Variants in SGCD observed in about 807,000 individuals in gnomAD.
SGCD encodes delta-sarcoglycan.
SGCD carries 18 observed loss-of-function variants against 36.6 expected under a neutral mutation model. The ratio of observed to expected loss-of-function variants is 0.49; its 90% CI spans 0.34 to 0.73. The LOEUF (loss-of-function observed/expected upper bound fraction) is 0.73, where lower values mean the gene tolerates loss of function less well. Ranked by LOEUF, SGCD falls within the 30% of genes least tolerant of loss-of-function variation. The pLI is 0.01. For synonymous variants in SGCD, 133 were observed against 130.6 expected, an observed-to-expected ratio of 1.02 and a Z score of -0.12; for missense variants, 387 against 346.7, an observed-to-expected ratio of 1.12 and a Z score of -0.92.
intron 1 of SGCD, among the ~76,000 whole-genome samples, chr5:155,878,814 A>G (rs1755818109): frequency 6.6e-6 from 1 of 152,192 alleles, no homozygotes; most frequent in African/African-American, 2.4e-5. Context: ...GAGTATATAT[A>G]AAATTGGACT....
intron 7 of SGCD, among the ~76,000 whole-genome samples, chr5:156,676,763 A>T (rs1028520745): frequency 6.6e-6 from 1 of 152,206 alleles, no homozygotes; most frequent in African/African-American, 2.4e-5. Context: ...TTTCAGCTGA[A>T]TGGGTGAACT....
At chr5:156,031,494 T>C (rs1450667162) in intron 1 of SGCD, among the ~76,000 whole-genome samples, 1 of 152,138 alleles carries the variant, frequency 6.6e-6, no homozygotes, top group Non-Finnish European at 1.5e-5. Context: ...AGGCAAAAAT[T>C]ATTCCAGATT....
chr5:156,651,533 C>T (rs935077330), intron 7 of SGCD, among the ~76,000 whole-genome samples: 1 of 152,012 alleles, frequency 6.6e-6, no homozygotes. Context: ...GCCAGATATC[C>T]CAGCACCATT....
intron 3 of SGCD, among the ~76,000 whole-genome samples, chr5:156,460,038 T>C (rs1295759730): frequency 6.6e-6 from 1 of 152,178 alleles, no homozygotes; most frequent in African/African-American, 2.4e-5. Flanking sequence ...TCAATAAAGC[T>C]TCTGTTTGGC....
rs574793702 is a variant in SGCD, at chr5:156,220,302, A to T, written c.-44+96283A>T. Among the ~76,000 whole-genome samples, 85 of 152,210 alleles carry T rather than the reference A, an allele frequency of 5.6e-4. 1 individual carries two copies. Among genetic ancestry groups the T allele is most frequent in the African/African-American group, 1.9e-3 (81 of 41,550 alleles). On this transcript the variant is annotated intron_variant, in intron 3 of 9. Coordinates refer to the SGCD transcript ENST00000517913. ...TCAGAGTACTAGCAAGGTACGTTGG[A>T]GTTTGTTCCATTTTGATGTTGTCTG...
chr5:156,605,875 C>T (rs1414131663), intron 6 of SGCD, among the ~76,000 whole-genome samples: 1 of 152,146 alleles, frequency 6.6e-6, no homozygotes, highest in Non-Finnish European at 1.5e-5. Flanking sequence ...TCATATCCTT[C>T]ACCCACTTTT....
intron 1 of SGCD, among the ~76,000 whole-genome samples, chr5:156,073,409 A>T (rs1313118865): frequency 2.6e-5 from 4 of 152,064 alleles, no homozygotes; most frequent in African/African-American, 9.7e-5. Context: ...ATTGGCCAAA[A>T]AAAGTTAGCT....
chr5:156,553,971 C>G (rs1425714609), intron 4 of SGCD, among the ~76,000 whole-genome samples: 1 of 151,452 alleles, frequency 6.6e-6, no homozygotes, highest in African/African-American at 2.5e-5. Flanking sequence ...TGGTTATATA[C>G]AGTCGTCCCC....
chr5:156,624,482 G>A (rs1486026652), intron 6 of SGCD, among the ~76,000 whole-genome samples: 1 of 152,156 alleles, frequency 6.6e-6, no homozygotes, highest in Non-Finnish European at 1.5e-5. Flanking sequence ...TCGGGAGGCT[G>A]AAGCAGGAGA....
chr5:155,833,819 C>T, the SGCD span, among the ~76,000 whole-genome samples: 1 of 152,206 alleles, frequency 6.6e-6, no homozygotes, highest in East Asian at 1.9e-4. Context: ...ATTTCACTGT[C>T]TCTTTCTAAT....
At chr5:156,383,164 A>G (rs1297030712) in intron 3 of SGCD, among the ~76,000 whole-genome samples, 1 of 152,194 alleles carries the variant, frequency 6.6e-6, no homozygotes, top group African/African-American at 2.4e-5. Context: ...GGTACATTCT[A>G]TGCTCATCAC....
chr5:155,917,035 G>A (rs149602599), intron 1 of SGCD, among the ~76,000 whole-genome samples: 81 of 152,182 alleles, frequency 5.3e-4, no homozygotes, highest in Non-Finnish European at 7.9e-4. Flanking sequence ...TCTGTAGAGC[G>A]TTTCCGAGTC....
At chr5:156,026,231 CT>C (rs1759224204) in intron 1 of SGCD, among the ~76,000 whole-genome samples, 1 of 152,174 alleles carries the variant, frequency 6.6e-6, no homozygotes, top group Non-Finnish European at 1.5e-5. Context: ...TGAGAATGTA[CT>C]TTGTGCCCCA....
rs886060292 is a variant in SGCD at position 156,760,296 on chromosome 5, C to T, written c.*906C>T. On this transcript the variant is annotated 3_prime_UTR_variant, in exon 9 of 9. Transcript: ENST00000337851. ...TGACTTTAACCAAAAGATTTCAACC[C>T]ACAATGATCAGGTCAATCAAAATCC... is the stretch of plus-strand genomic sequence containing the variant. The T allele has an allele frequency of 4.6e-5, 7 of 152,282 alleles. No individual in the cohort carries two copies. The highest frequency in any genetic ancestry group is 8.8e-5 in the Non-Finnish European group (6 of 68,028). 9.4% of individuals were successfully genotyped at this position (152,282 alleles called of 1,614,324 possible).
At chr5:155,741,714 A>T in the SGCD span, among the ~76,000 whole-genome samples, 3 of 137,732 alleles carry the variant, frequency 2.2e-5, no homozygotes, top group Non-Finnish European at 3.1e-5. Flanking sequence ...TTAATTAGGG[A>T]CTAAGTCTTG....
chr5:156,709,164 A>T (rs1754874823), intron 7 of SGCD, among the ~76,000 whole-genome samples: 1 of 152,204 alleles, frequency 6.6e-6, no homozygotes, highest in Non-Finnish European at 1.5e-5. Context: ...TCCTTATGGC[A>T]GAGTGACGTT....
chr5:155,743,748 C>A, the SGCD span, among the ~76,000 whole-genome samples: 2 of 152,108 alleles, frequency 1.3e-5, no homozygotes, highest in South Asian at 4.1e-4. Context: ...TAAAACAAAC[C>A]TTGAACTGAA....
intron 3 of SGCD, among the ~76,000 whole-genome samples, chr5:156,295,158 A>T (rs1415408986): frequency 6.6e-6 from 1 of 152,022 alleles, no homozygotes; most frequent in Non-Finnish European, 1.5e-5. Flanking sequence ...CTCACTAGTT[A>T]TATGTCTATT....
chr5:156,423,479 T>G (rs1182035410), intron 3 of SGCD, among the ~76,000 whole-genome samples: 1 of 136,570 alleles, frequency 7.3e-6, no homozygotes, highest in East Asian at 2.0e-4. Flanking sequence ...TAATAATTAA[T>G]TAATATTAAA....
Sources: allele counts gnomAD v4.1 joint callset (sites outside exome capture counted in the v4.1 genomes callset), GRCh38; gene constraint gnomAD v4.1.1; transcripts MANE v1.5; gene names NCBI Gene and HGNC (gene_info 2026-07-23, HGNC 2026-07-21).